NUP153: variants seen among roughly 807,000 people sequenced by gnomAD.
NUP153 encodes nucleoporin 153.
In NUP153, 27 loss-of-function variants were observed where a neutral mutation model predicts 134.6. The observed-to-expected ratio is 0.20, with a 90% confidence interval of 0.15 to 0.28. NUP153 has a LOEUF of 0.28. Ranked by LOEUF, NUP153 falls within the 10% of genes least tolerant of loss-of-function variation. The probability of loss-of-function intolerance (pLI) is 1.00; values close to 1 mark genes in which losing one functional copy is unlikely to be tolerated. For synonymous variants in NUP153, 640 were observed against 623.5 expected (o/e 1.03, Z -0.40); for missense variants, 1,821 against 1,731.3 (o/e 1.05, Z -0.92).
At position 17,616,100 on chromosome 6, in the gene NUP153, T is replaced by C; in HGVS notation, c.4425A>G (p.Lys1475=). The C allele has an allele frequency of 6.2e-7, 1 of 1,610,086 alleles. No homozygotes were observed. The highest frequency in any genetic ancestry group is 2.2e-5 in the East Asian group (1 of 44,860). ...RKIKTAVRRR[K] ...GAGTACAACACCAATGTGACCTTTA[T>C]TTCCTGCGTCTAACAGCAGTCTTTA... Residue 1475 remains lysine (K), a synonymous_variant, in exon 22 of 22, where the codon AAA becomes AAG. Transcript: ENST00000262077.
intron 15 of NUP153, among the ~76,000 whole-genome samples, chr6:17,639,434 A>G (rs569876949): frequency 5.3e-5 from 8 of 152,292 alleles, no homozygotes; most frequent in Non-Finnish European, 8.8e-5. Flanking sequence ...TCCTGTTTTC[A>G]AACAAAAAAT....
rs1411469710 is a variant in NUP153, at chr6:17,706,712, G to A, written c.-325C>T. 1.7e-5 allele frequency: 6 copies of A among 358,312 alleles called. No homozygotes were observed. The highest frequency in any genetic ancestry group is 7.0e-5 in the East Asian group (1 of 14,318). The allele number at this position is 358,312 out of a possible 1,614,324, so 22.2% of individuals were successfully genotyped here. Reference sequence around the variant, plus strand: ...AGGACAGCACGAACAGTTCCCCGCGGTGCTGAGGCCTAACTCGACCGCCGA... The same window carrying A: ...AGGACAGCACGAACAGTTCCCCGCGATGCTGAGGCCTAACTCGACCGCCGA... On this transcript the variant is annotated 5_prime_UTR_variant, in exon 1 of 22. Transcript: ENST00000262077. The surrounding 1 kb of genome is among the most constrained non-coding windows in gnomAD (Gnocchi z 5.9).
At chr6:17,701,526 G>T (rs1770071972) in intron 1 of NUP153, among the ~76,000 whole-genome samples, 1 of 151,758 alleles carries the variant, frequency 6.6e-6, no homozygotes, top group Non-Finnish European at 1.5e-5. Context: ...GCTGGGCGTG[G>T]TGGCACGTGC....
chr6:17,695,385 A>G (rs1166985924), intron 1 of NUP153, among the ~76,000 whole-genome samples: 1 of 152,224 alleles, frequency 6.6e-6, no homozygotes, highest in Admixed American at 6.5e-5. Flanking sequence ...TGAAACCATC[A>G]AAAACTCAGT....
chr6:17,646,113 T>C lies in NUP153; in HGVS notation c.1674A>G (p.Glu558=). 1 of 1,603,482 alleles carries C rather than the reference T, an allele frequency of 6.2e-7. No individual in the cohort carries two copies. The highest frequency in any genetic ancestry group is 8.5e-7 in the Non-Finnish European group (1 of 1,170,742). Residue 558 remains glutamate, a synonymous_variant, in exon 14 of 22, where the codon GAA becomes GAG. Transcript: ENST00000262077. ...CTAAAGTACTACTAGAACCAGAAAGTTCTGCTGTTTTTGCAACAGGCACAC... is the reference window on the plus strand; with the variant it reads ...CTAAAGTACTACTAGAACCAGAAAGCTCTGCTGTTTTTGCAACAGGCACAC... ...TFSVPVAKTA[E]LSGSSSTLEP...
intron 2 of NUP153, among the ~76,000 whole-genome samples, chr6:17,683,151 T>C (rs917152244): frequency 6.6e-6 from 1 of 152,154 alleles, no homozygotes; most frequent in African/African-American, 2.4e-5. Context: ...TCTAAACTCC[T>C]ATTCATGTCA....
At chr6:17,616,342 A>G (rs981857193) in intron 21 of NUP153, among the ~76,000 whole-genome samples, 161 bp from the exon 22 acceptor site, 1 of 152,122 alleles carries the variant, frequency 6.6e-6, no homozygotes, top group African/African-American at 2.4e-5. Flanking sequence ...CACACACGCT[A>G]CTGTTATTTT....
chr6:17,619,718 T>A (rs567500361), intron 20 of NUP153: 8 of 152,294 alleles, frequency 5.3e-5, no homozygotes, highest in African/African-American at 1.9e-4. Flanking sequence ...AGAACTATTA[T>A]TGTTAAAATG....
In NUP153 at chr6:17,626,028, C is replaced by T. The variant is rs2113768471; in HGVS notation, c.3681G>A (p.Val1227=). 1.9e-6 allele frequency: 3 copies of T among 1,614,170 alleles called. No homozygotes were observed. The highest frequency in any genetic ancestry group is 2.5e-6 in the Non-Finnish European group (3 of 1,180,034). The part of the protein sequence containing the change: ...SSSNPPVATF[V]FGQSSNPVSS... Reference sequence around the variant, plus strand: ...TCACAGGATTGCTGGACTGTCCAAACACAAAGGTAGCCACAGGTGGATTGG... The same window carrying T: ...TCACAGGATTGCTGGACTGTCCAAATACAAAGGTAGCCACAGGTGGATTGG... Residue 1227 remains valine, a synonymous_variant, in exon 19 of 22, where the codon GTG becomes GTA. Transcript: ENST00000262077.
chr6:17,704,131 A>C (rs1158196282), intron 1 of NUP153, among the ~76,000 whole-genome samples: 1 of 152,142 alleles, frequency 6.6e-6, no homozygotes, highest in African/African-American at 2.4e-5. Context: ...TCTCTACTAA[A>C]AATACAAAAA....
intron 17 of NUP153, 134 bp downstream of exon 17, chr6:17,632,516 G>T: frequency 1.6e-6 from 1 of 635,048 alleles, no homozygotes; most frequent in Non-Finnish European, 2.6e-6. Context: ...AAACATCTCA[G>T]GATAATCTCA....
rs145165971 is a variant in NUP153, at chr6:17,624,725, T to A, written c.4010A>T (p.Asn1337Ile). The A allele has an allele frequency of 1.2e-6, 2 of 1,614,080 alleles. No homozygotes were observed. The part of the protein sequence containing the change: ...FGQSQGASQP[N>I]PPGFGSISSS... Reference sequence around the variant, plus strand: ...TGATATAGATCCAAAGCCTGGGGGATTGGGCTGGCTGGCACCTTGACTTTG... The same window carrying A: ...TGATATAGATCCAAAGCCTGGGGGAATGGGCTGGCTGGCACCTTGACTTTG... Residue 1337 changes from asparagine to isoleucine, a missense_variant, in exon 20 of 22, where the codon AAT becomes ATT. Asn to Ile is a moderately radical substitution (Grantham distance 149). Transcript: ENST00000262077.
At chr6:17,633,596 A>G (rs1389968813) in intron 16 of NUP153, among the ~76,000 whole-genome samples, 1 of 152,224 alleles carries the variant, frequency 6.6e-6, no homozygotes, top group East Asian at 1.9e-4. Context: ...AAGTGTGCAA[A>G]GAAGGAAGAA....
chr6:17,659,465 CTTTTGTTTTTG>C (rs1351747118), intron 11 of NUP153, among the ~76,000 whole-genome samples: 2 of 151,932 alleles, frequency 1.3e-5, no homozygotes, highest in Admixed American at 1.3e-4. Flanking sequence ...CAGCCCATTT[CTTTTGTTTTTG>C]TTTTGTTTTG....
At chr6:17,683,581 G>C (rs1402577335) in intron 2 of NUP153, among the ~76,000 whole-genome samples, 1 of 152,178 alleles carries the variant, frequency 6.6e-6, no homozygotes, top group Non-Finnish European at 1.5e-5. Flanking sequence ...GCTGTAAATA[G>C]ATGTGTTGTC....
intron 15 of NUP153, among the ~76,000 whole-genome samples, chr6:17,639,146 C>T (rs771905938): frequency 4.0e-5 from 6 of 151,686 alleles, no homozygotes; most frequent in African/African-American, 1.5e-4. Flanking sequence ...GGTTCGATCT[C>T]GGTTCACTGC....
rs1480658118 is a variant in NUP153, at chr6:17,675,940, CAACT to C, written c.335-174_335-171del. Among the ~76,000 whole-genome samples, 2 of 152,144 alleles carry C rather than the reference CAACT, an allele frequency of 1.3e-5. No homozygotes were observed. The highest frequency in any genetic ancestry group is 4.8e-5 in the African/African-American group (2 of 41,442). On this transcript the variant is annotated intron_variant, in intron 2 of 21. Transcript: ENST00000262077. The surrounding 1 kb of genome is among the most constrained non-coding windows in gnomAD (Gnocchi z 4.4). ...CATACTCCTAGGCAAAACAAAGTTTCAACTAACTAAAATTAATTTAAATAAGAGC... is the reference window on the plus strand; with the variant it reads ...CATACTCCTAGGCAAAACAAAGTTTCAACTAAAATTAATTTAAATAAGAGC...
Position 17,629,459 on chromosome 6 carries a change from G to A in NUP153, c.2740C>T (p.Pro914Ser). 4 of 1,612,928 alleles carry A rather than the reference G, an allele frequency of 2.5e-6. No individual in the cohort carries two copies. In the African/African-American group the frequency reaches 4.0e-5, roughly 16 times the overall value. Residue 914 changes from proline to serine, a missense_variant, in exon 18 of 22, where the codon CCT becomes TCT. Transcript: ENST00000262077. Reference protein sequence around the residue: ...KFGVSSSSSGPSQTLTSTGNF... With the variant: ...KFGVSSSSSGSSQTLTSTGNF... ...CCAGTGCTTGTTAAAGTCTGAGAAGGCCCAGAAGAGGATGATGAGACACCA... is the reference window on the plus strand; with the variant it reads ...CCAGTGCTTGTTAAAGTCTGAGAAGACCCAGAAGAGGATGATGAGACACCA...
rs1768149264 is a variant in NUP153, at chr6:17,675,285, C to A, written c.667G>T (p.Ala223Ser). The change falls in exon 4 of 22, where the codon GCC becomes TCC. Residue 223 changes from alanine to serine, a missense_variant. Physicochemically the swap from Ala to Ser is moderately conservative, Grantham distance 99. Coordinates refer to ENST00000262077, the MANE Select transcript of NUP153 (RefSeq NM_005124.4). This position sits in a 1 kb window ranked among gnomAD's most constrained non-coding sequence, Gnocchi z 4.4. ...AATGCTGGTTTTTTTGAGCTGGTGG[C>A]AGTGTGCTGTGAGAGTGAGTGAGAA... ...ERSHSLSQHT[A>S]TSSKKPAFNL... 6.2e-7 allele frequency: 1 copy of A among 1,613,940 alleles called. No homozygotes were observed. Among genetic ancestry groups the A allele is most frequent in the African/African-American group, 1.3e-5 (1 of 74,906 alleles).
Sources: gnomAD v4.1 joint callset for allele counts (sites outside exome capture counted in the v4.1 genomes callset) on GRCh38, gnomAD v4.1.1 for gene constraint, Gnocchi (gnomAD v3.1) non-coding constraint, MANE v1.5 for transcripts, NCBI Gene and HGNC (gene_info 2026-07-23, HGNC 2026-07-21) for gene names.